Variants in BIRC6 observed in about 807,000 individuals in gnomAD.
The protein encoded by BIRC6 is dual E2 ubiquitin-conjugating enzyme/E3 ubiquitin-protein ligase BIRC6.
A neutral mutation model predicts 503.3 loss-of-function variants in BIRC6; 98 were observed. That is an observed-to-expected ratio of 0.19 (90% confidence interval 0.17 to 0.23). The LOEUF is 0.23. Ranked by LOEUF, BIRC6 falls within the 10% of genes least tolerant of loss-of-function variation. BIRC6 has a pLI of 1.00. For missense variants in BIRC6, 5,360 were observed against 5,806.0 expected, an observed-to-expected ratio of 0.92 and a Z score of 2.50; for synonymous variants, 2,240 against 2,078.7, an observed-to-expected ratio of 1.08 and a Z score of -2.11.
chr2:32,603,683 C>T (rs2062221872), intron 71 of BIRC6, among the ~76,000 whole-genome samples: 1 of 152,040 alleles, frequency 6.6e-6, no homozygotes, highest in East Asian at 1.9e-4. Context: ...GAGATCACGG[C>T]ACTACACTCT....
At chr2:32,572,469 T>G (rs771412247) in intron 65 of BIRC6, among the ~76,000 whole-genome samples, 7 of 152,204 alleles carry the variant, frequency 4.6e-5, no homozygotes, top group Non-Finnish European at 1.0e-4. Flanking sequence ...TATTATTGAG[T>G]CATAGAATAT....
chr2:32,582,112 G>A (rs1025169918), intron 66 of BIRC6, among the ~76,000 whole-genome samples: 18 of 151,700 alleles, frequency 1.2e-4, no homozygotes, highest in African/African-American at 4.4e-4. Flanking sequence ...GCCCCCCTCC[G>A]CCTCCCAAAG....
chr2:32,467,118 C>CA (rs1207152761), intron 26 of BIRC6, among the ~76,000 whole-genome samples: 15,729 of 81,640 alleles, frequency 0.19, 1,179 homozygotes, highest in Non-Finnish European at 0.26. Context: ...GACTCCGTCT[C>CA]AAAAAAAAAA....
intron 21 of BIRC6, among the ~76,000 whole-genome samples, chr2:32,447,586 C>T (rs1172240799): frequency 7.5e-5 from 8 of 107,098 alleles, no homozygotes; most frequent in African/African-American, 2.0e-4. Flanking sequence ...CCGGACGGGG[C>T]GGCTGGCCAG....
chr2:32,413,456 A>G (rs997294979), intron 9 of BIRC6, among the ~76,000 whole-genome samples: 2 of 152,090 alleles, frequency 1.3e-5, no homozygotes, highest in Non-Finnish European at 2.9e-5. Context: ...CTGGGATTAC[A>G]GGCATGAGCC....
At chr2:32,536,369 G>A (rs562563198) in intron 61 of BIRC6, among the ~76,000 whole-genome samples, 3,471 of 152,258 alleles carry the variant, frequency 0.023, 74 homozygotes, top group African/African-American at 0.059. Context: ...TTTTAGACAT[G>A]ACGTCCTTGC....
chr2:32,405,572 C>T (rs372926957), intron 8 of BIRC6, among the ~76,000 whole-genome samples: 29 of 151,960 alleles, frequency 1.9e-4, no homozygotes, highest in Admixed American at 9.8e-4. Context: ...TTTGGGAGAC[C>T]GAGGCGGGAG....
At chr2:32,449,464 A>C (rs1438570036) in intron 22 of BIRC6, among the ~76,000 whole-genome samples, 2 of 152,190 alleles carry the variant, frequency 1.3e-5, no homozygotes, top group Non-Finnish European at 2.9e-5. Flanking sequence ...CACTATTTTT[A>C]TAATCTTTTT....
rs1328863677 is a variant in BIRC6, at chr2:32,468,601, T to G, written c.5945T>G (p.Leu1982Arg). 3.7e-6 allele frequency: 6 copies of G among 1,613,908 alleles called. No homozygotes were observed. The highest frequency in any genetic ancestry group is 5.1e-6 in the Non-Finnish European group (6 of 1,179,900). ...SAYQDCIQLQ[L>R]QLNLAHNAVQ... ...TATCAAGATTGTATTCAGCTACAGC[T>G]TCAACTAAATTTGGCTCATAATGCA... The change falls in exon 29 of 74, where the codon CTT becomes CGT. Residue 1982 changes from leucine to arginine, a missense_variant. Leu to Arg is a moderately radical substitution (Grantham distance 102). Coordinates refer to ENST00000421745, the MANE Select transcript of BIRC6 (RefSeq NM_016252.4).
In BIRC6 at chr2:32,463,056, A is replaced by T. The variant is rs1572405984; in HGVS notation, c.4754-138A>T. On this transcript the variant is annotated intron_variant, in intron 23 of 73. Coordinates refer to ENST00000421745, the MANE Select transcript of BIRC6 (RefSeq NM_016252.4). ...CATTGTTTCCTTATTTATACTTTCCAGATTTCTTTTTTAGAATGAAAATTA... is the reference window on the plus strand; with the variant it reads ...CATTGTTTCCTTATTTATACTTTCCTGATTTCTTTTTTAGAATGAAAATTA... The T allele has an allele frequency of 1.1e-5, 7 of 613,314 alleles. No homozygotes were observed. In the East Asian group the frequency reaches 2.2e-4, roughly 19 times the overall value. 38.0% of individuals were successfully genotyped at this position (613,314 alleles called of 1,614,324 possible).
At chr2:32,544,615 TAGAA>T (rs2057923880) in intron 62 of BIRC6, among the ~76,000 whole-genome samples, 1 of 151,790 alleles carries the variant, frequency 6.6e-6, no homozygotes, top group Admixed American at 6.6e-5. Context: ...ACATGCCATT[TAGAA>T]AGAATAAAAT....
At chr2:32,516,557 G>A (rs2055063811) in intron 55 of BIRC6, among the ~76,000 whole-genome samples, 1 of 145,322 alleles carries the variant, frequency 6.9e-6, no homozygotes, top group African/African-American at 2.6e-5. Flanking sequence ...TTATCATACT[G>A]CACTCCAGTC....
intron 66 of BIRC6, among the ~76,000 whole-genome samples, chr2:32,587,703 G>A (rs568819900): frequency 1.5e-4 from 23 of 152,274 alleles, no homozygotes; most frequent in South Asian, 1.4e-3. Flanking sequence ...CATCCTGTGC[G>A]ACAGAGCGAG....
chr2:32,375,593 G>A (rs1220793922), intron 1 of BIRC6, among the ~76,000 whole-genome samples: 1 of 152,138 alleles, frequency 6.6e-6, no homozygotes, highest in African/African-American at 2.4e-5. Flanking sequence ...GGCCGAAAAA[G>A]CCAAATTGCT....
intron 1 of BIRC6, among the ~76,000 whole-genome samples, chr2:32,377,131 A>G (rs534124766): frequency 5.3e-5 from 8 of 152,210 alleles, no homozygotes; most frequent in African/African-American, 1.7e-4. Context: ...GAATGTTACA[A>G]AGAACTTCCC....
chr2:32,565,117 G>A (rs1363746386), intron 65 of BIRC6: 1 of 152,194 alleles, frequency 6.6e-6, no homozygotes, highest in African/African-American at 2.4e-5. Flanking sequence ...CTGATCTGCA[G>A]GGATCTTCCC....
chr2:32,563,551 A>G (rs2059339371), intron 65 of BIRC6: 1 of 152,240 alleles, frequency 6.6e-6, no homozygotes, highest in African/African-American at 2.4e-5. Flanking sequence ...TCCTCGTATT[A>G]GTGTTTTAAA....
At chr2:32,369,953 T>A (rs74177011) in intron 1 of BIRC6, among the ~76,000 whole-genome samples, 2,728 of 34,638 alleles carry the variant, frequency 0.079, 83 homozygotes, top group African/African-American at 0.094. Flanking sequence ...AAAATATATA[T>A]ATATATATAT....
chr2:32,542,505 T>G (rs1381763307), intron 61 of BIRC6, among the ~76,000 whole-genome samples: 1 of 152,176 alleles, frequency 6.6e-6, no homozygotes, highest in Non-Finnish European at 1.5e-5. Context: ...AATTAATGGA[T>G]AAGAAGAGAA....
Sources: gnomAD v4.1 joint callset for allele counts (sites outside exome capture counted in the v4.1 genomes callset) on GRCh38, gnomAD v4.1.1 for gene constraint, MANE v1.5 for transcripts, NCBI Gene and HGNC (gene_info 2026-07-23, HGNC 2026-07-21) for gene names.